Variants in CHSY3 observed in about 807,000 individuals in gnomAD.
The protein encoded by CHSY3 is N-acetylgalactosaminyl-proteoglycan 3-beta-glucuronosyltransferase 3.
In CHSY3, 35 loss-of-function variants were observed where a neutral mutation model predicts 67.2. The observed-to-expected ratio is 0.52, with a 90% CI of 0.40 to 0.69. CHSY3 has a LOEUF of 0.69. CHSY3 is among the 30% of genes least tolerant of loss of function. The probability of loss-of-function intolerance (pLI) is 0.00; values close to 1 mark genes in which losing one functional copy is unlikely to be tolerated. For synonymous variants in CHSY3, 474 were observed against 434.7 expected, an observed-to-expected ratio of 1.09 and a Z score of -1.12; for missense variants, 1,069 against 1,138.5, an observed-to-expected ratio of 0.94 and a Z score of 0.88.
intron 2 of CHSY3, among the ~76,000 whole-genome samples, chr5:129,973,555 ATT>A (rs1225208116): frequency 1.3e-5 from 2 of 152,080 alleles, no homozygotes; most frequent in Non-Finnish European, 2.9e-5. Context: ...TTATATACAT[ATT>A]TTCTCTCCCT....
intron 2 of CHSY3, among the ~76,000 whole-genome samples, chr5:129,932,749 G>C (rs934790652): frequency 2.6e-5 from 4 of 151,934 alleles, no homozygotes; most frequent in African/African-American, 9.7e-5. Context: ...ATTTTAAAAA[G>C]AGAAAGTCTT....
At chr5:130,164,243 A>C (rs1028010444) in intron 2 of CHSY3, among the ~76,000 whole-genome samples, 1 of 152,192 alleles carries the variant, frequency 6.6e-6, no homozygotes, top group Non-Finnish European at 1.5e-5. Context: ...AGATACTTGT[A>C]ATAATTCAAA....
intron 2 of CHSY3, among the ~76,000 whole-genome samples, chr5:129,927,451 A>T (rs556116648): frequency 6.6e-6 from 1 of 152,116 alleles, no homozygotes; most frequent in East Asian, 1.9e-4. Flanking sequence ...TAAAATATCC[A>T]AGCTTGTAAA....
intron 2 of CHSY3, among the ~76,000 whole-genome samples, chr5:129,949,359 A>G (rs980567461): frequency 1.3e-5 from 2 of 152,202 alleles, no homozygotes; most frequent in East Asian, 3.8e-4. Flanking sequence ...AATAATGAAT[A>G]AATTTCTAAA....
chr5:130,119,437 C>T (rs951610710), intron 2 of CHSY3, among the ~76,000 whole-genome samples: 1 of 152,090 alleles, frequency 6.6e-6, no homozygotes. Flanking sequence ...TCTTTGTATG[C>T]TTGATTCATT....
chr5:129,916,068 G>C (rs959263737), intron 2 of CHSY3, among the ~76,000 whole-genome samples: 2 of 152,174 alleles, frequency 1.3e-5, no homozygotes, highest in Non-Finnish European at 2.9e-5. Flanking sequence ...AGATAATACA[G>C]TTATGGTCAT....
chr5:129,904,959 C>T lies in CHSY3; in HGVS notation c.130C>T (p.Leu44Phe). 6.4e-7 allele frequency: 1 copy of T among 1,563,634 alleles called. No individual in the cohort carries two copies. Among genetic ancestry groups the T allele is most frequent in the Non-Finnish European group, 8.6e-7 (1 of 1,159,852 alleles). ...CGAGAGGAAGAGACGTGGCTCCAGC[C>T]TCTGCTCCTACTACGGTCGCTCTGC... ...LSERKRRGSS[L>F]CSYYGRSAAG... Residue 44 changes from leucine (L) to phenylalanine (F), a missense_variant, in exon 1 of 3, where the codon CTC becomes TTC. Transcript: ENST00000305031.
chr5:130,028,234 C>T (rs1482080248), intron 2 of CHSY3, among the ~76,000 whole-genome samples: 1 of 152,132 alleles, frequency 6.6e-6, no homozygotes, highest in Admixed American at 6.6e-5. Flanking sequence ...AAGAACAAAG[C>T]TGGAGGCATC....
intron 2 of CHSY3, among the ~76,000 whole-genome samples, chr5:130,000,959 C>T (rs2149638707): frequency 6.6e-6 from 1 of 150,784 alleles, no homozygotes; most frequent in Non-Finnish European, 1.5e-5. Flanking sequence ...GGAGCAATCT[C>T]CACTCACTGC....
intron 2 of CHSY3, among the ~76,000 whole-genome samples, chr5:130,123,801 T>C (rs1042405379): frequency 6.6e-6 from 1 of 151,984 alleles, no homozygotes; most frequent in Non-Finnish European, 1.5e-5. Context: ...CTCACCCCTA[T>C]AATCCCAGCA....
intron 2 of CHSY3, among the ~76,000 whole-genome samples, chr5:129,946,524 A>G (rs534516837): frequency 1.2e-4 from 19 of 152,304 alleles, no homozygotes; most frequent in African/African-American, 4.1e-4. Flanking sequence ...TAAAAAAACT[A>G]TAGTTACTAT....
intron 2 of CHSY3, among the ~76,000 whole-genome samples, chr5:129,921,287 T>C (rs1377025783): frequency 2.6e-5 from 4 of 152,148 alleles, no homozygotes; most frequent in Non-Finnish European, 4.4e-5. Context: ...GACACAAGCA[T>C]TATGATACCT....
intron 2 of CHSY3, among the ~76,000 whole-genome samples, chr5:130,093,105 A>G (rs1016515652): frequency 3.3e-5 from 5 of 152,208 alleles, no homozygotes; most frequent in Non-Finnish European, 5.9e-5. Flanking sequence ...TATAAATACC[A>G]TCTCTATGGG....
intron 2 of CHSY3, chr5:130,140,108 A>G: frequency 4.6e-6 from 1 of 218,802 alleles, no homozygotes; most frequent in Non-Finnish European, 9.0e-6. Context: ...ATGAACAAGT[A>G]GAGATAATTG....
chr5:130,030,973 T>A (rs1038216014), intron 2 of CHSY3, among the ~76,000 whole-genome samples: 8 of 152,108 alleles, frequency 5.3e-5, no homozygotes, highest in African/African-American at 1.2e-4. Flanking sequence ...TTACTTTTTT[T>A]AATTTTAATA....
At chr5:130,085,924 G>T (rs576153476) in intron 2 of CHSY3, among the ~76,000 whole-genome samples, 1 of 152,128 alleles carries the variant, frequency 6.6e-6, no homozygotes, top group Non-Finnish European at 1.5e-5. Context: ...GCGGTTTTGG[G>T]TGAGTTTCTT....
intron 2 of CHSY3, among the ~76,000 whole-genome samples, chr5:129,932,208 C>G (rs1761340134): frequency 6.7e-6 from 1 of 148,812 alleles, no homozygotes; most frequent in Non-Finnish European, 1.5e-5. Flanking sequence ...TTGATTCACA[C>G]TGCCATGGGG....
Position 129,955,433 on chromosome 5 carries a change from T to G in CHSY3, c.1086+47073T>G, listed in dbSNP as rs1470019758. ...TTTTTGTTTTTAATATTTTTTCCCG[T>G]CTCCTTTCCTTTTTCCTTTTCTCCC... On this transcript the variant is annotated intron_variant, in intron 2 of 2. Transcript: ENST00000305031. Among the ~76,000 whole-genome samples the G allele has an allele frequency of 2.0e-5, 3 of 151,582 alleles. No homozygotes were observed. The South Asian group carries it at 6.2e-4, about 32-fold the overall frequency.
At chr5:130,084,141 C>G (rs1766533921) in intron 2 of CHSY3, among the ~76,000 whole-genome samples, 1 of 151,892 alleles carries the variant, frequency 6.6e-6, no homozygotes, top group African/African-American at 2.4e-5. Context: ...TCTATGATAT[C>G]CTTCAAGAGG....
Sources: allele counts gnomAD v4.1 joint callset (sites outside exome capture counted in the v4.1 genomes callset), GRCh38; gene constraint gnomAD v4.1.1; transcripts MANE v1.5; gene names NCBI Gene and HGNC (gene_info 2026-07-23, HGNC 2026-07-21).